BRD10: variants seen among roughly 807,000 people sequenced by gnomAD.
BRD10 encodes bromodomain containing 10.
At chr9:5,919,908 G>T in the BRD10 span, 1 of 1,613,996 alleles carries the variant, frequency 6.2e-7, no homozygotes, top group South Asian at 1.1e-5. Context: ...CTACTTGGCA[G>T]TGGAGGATTA....
chr9:5,994,563 T>G, the BRD10 span, among the ~76,000 whole-genome samples: 8 of 152,236 alleles, frequency 5.3e-5, no homozygotes, highest in Non-Finnish European at 1.2e-4. Flanking sequence ...TCCAGTCCCT[T>G]GTCTGACTCT....
chr9:5,990,277 T>C, the BRD10 span, among the ~76,000 whole-genome samples: 1 of 152,206 alleles, frequency 6.6e-6, no homozygotes, highest in African/African-American at 2.4e-5. Context: ...ATATTTTTAG[T>C]AGGTTAATTA....
the BRD10 span, among the ~76,000 whole-genome samples, chr9:5,961,090 T>C: frequency 1.3e-5 from 2 of 152,230 alleles, 1 homozygote; most frequent in Non-Finnish European, 2.9e-5. Flanking sequence ...TTGTTCAGTA[T>C]ATTCCCACAC....
chr9:5,906,674 C>A, the BRD10 span, among the ~76,000 whole-genome samples: 1 of 152,192 alleles, frequency 6.6e-6, no homozygotes, highest in Admixed American at 6.5e-5. Flanking sequence ...CTAGTTAATT[C>A]CCACAGCAAT....
the BRD10 span, among the ~76,000 whole-genome samples, chr9:5,979,937 C>T: frequency 1.3e-5 from 2 of 149,234 alleles, no homozygotes; most frequent in Non-Finnish European, 3.0e-5. Context: ...ATCACTTGAA[C>T]CTGGGAGGTG....
At chr9:5,956,704 C>T in the BRD10 span, among the ~76,000 whole-genome samples, 1 of 152,142 alleles carries the variant, frequency 6.6e-6, no homozygotes, top group Non-Finnish European at 1.5e-5. Flanking sequence ...ATTCTTTTTA[C>T]TTACTCCATC....
chr9:5,881,741 A>C, the BRD10 span: 11 of 152,078 alleles, frequency 7.2e-5, no homozygotes, highest in African/African-American at 2.2e-4. Context: ...TTTCTTTCAA[A>C]ATTGGAAATA....
chr9:5,885,940 A>G, the BRD10 span, among the ~76,000 whole-genome samples: 21 of 152,162 alleles, frequency 1.4e-4, no homozygotes, highest in East Asian at 2.7e-3. Flanking sequence ...ACTTTCTGGG[A>G]TTTTCAGGCA....
the BRD10 span, chr9:5,920,190 T>C: frequency 1.2e-6 from 2 of 1,614,024 alleles, no homozygotes; most frequent in South Asian, 1.1e-5. Flanking sequence ...GAGTTATCTA[T>C]TGGTGTAGAT....
the BRD10 span, among the ~76,000 whole-genome samples, chr9:5,965,622 A>G: frequency 1.3e-5 from 2 of 152,230 alleles, no homozygotes; most frequent in Non-Finnish European, 2.9e-5. Flanking sequence ...CTTAAACATT[A>G]TATACACCAT....
the BRD10 span, among the ~76,000 whole-genome samples, chr9:5,942,151 G>A: frequency 3.3e-5 from 5 of 152,008 alleles, no homozygotes; most frequent in African/African-American, 1.2e-4. Context: ...CTCTTATGAA[G>A]ATCAGTATTA....
chr9:5,912,355 C>T, the BRD10 span, among the ~76,000 whole-genome samples: 3 of 152,002 alleles, frequency 2.0e-5, no homozygotes, highest in Non-Finnish European at 4.4e-5. Context: ...ATTTGAATGT[C>T]CCGTCTCTTG....
chr9:5,957,458 G>C, the BRD10 span, among the ~76,000 whole-genome samples: 1 of 152,078 alleles, frequency 6.6e-6, no homozygotes, highest in African/African-American at 2.4e-5. Context: ...CAGCCAAGTA[G>C]GTATTACCTC....
At chr9:5,893,942 T>C in the BRD10 span, among the ~76,000 whole-genome samples, 1 of 132,206 alleles carries the variant, frequency 7.6e-6, no homozygotes, top group Non-Finnish European at 1.6e-5. Flanking sequence ...CTGGTGGGTA[T>C]CATTCTTGCT....
chr9:5,969,330 T>C, the BRD10 span: 2 of 1,613,648 alleles, frequency 1.2e-6, no homozygotes, highest in Non-Finnish European at 1.7e-6. Flanking sequence ...ATTTCCCACA[T>C]GGTCTCCATA....
At chr9:5,889,513 G>A in the BRD10 span, among the ~76,000 whole-genome samples, 2 of 152,186 alleles carry the variant, frequency 1.3e-5, no homozygotes, top group Non-Finnish European at 1.5e-5. Flanking sequence ...GAGGCTGGGC[G>A]CGGTGGCTCA....
the BRD10 span, chr9:5,920,905 A>G: frequency 9.5e-5 from 153 of 1,613,918 alleles, no homozygotes; most frequent in Admixed American, 1.3e-4. Context: ...AGCAAAGTCT[A>G]TTTGACAAAA....
chr9:5,957,384 C>T, the BRD10 span, among the ~76,000 whole-genome samples: 1 of 152,074 alleles, frequency 6.6e-6, no homozygotes, highest in Non-Finnish European at 1.5e-5. Context: ...TTATTGATTC[C>T]TACCATGTGC....
chr9:5,924,634 T>G, the BRD10 span: 1 of 1,426,972 alleles, frequency 7.0e-7, no homozygotes, highest in Non-Finnish European at 9.3e-7. Flanking sequence ...CAGTGTTGAC[T>G]TAAAAAAAAA....
Sources: gnomAD v4.1 joint callset for allele counts (sites outside exome capture counted in the v4.1 genomes callset) on GRCh38, gnomAD v4.1.1 for gene constraint, MANE v1.5 for transcripts, NCBI Gene and HGNC (gene_info 2026-07-23, HGNC 2026-07-21) for gene names.